The following KMT2C variants were observed in gnomAD, a reference collection of about 807,000 sequenced individuals.
KMT2C encodes lysine methyltransferase 2C, also known as histone-lysine N-methyltransferase 2C.
KMT2C carries 88 observed loss-of-function variants against 507.9 expected under a neutral mutation model. That is an observed-to-expected ratio of 0.17 (90% CI 0.15 to 0.21). The LOEUF is 0.21. KMT2C is among the 10% of genes least tolerant of loss of function. The probability of loss-of-function intolerance (pLI) is 1.00; values close to 1 mark genes in which losing one functional copy is unlikely to be tolerated. For synonymous variants in KMT2C, 2,049 were observed against 2,080.8 expected, an observed-to-expected ratio of 0.98 and a Z score of 0.42; for missense variants, 4,954 against 5,957.8, an observed-to-expected ratio of 0.83 and a Z score of 5.55.
At chr7:152,153,373 A>C (rs2091803439) in intron 48 of KMT2C, among the ~76,000 whole-genome samples, 1 of 152,174 alleles carries the variant, frequency 6.6e-6, no homozygotes, top group South Asian at 2.1e-4. Context: ...ACATCATTGG[A>C]CTTCTAGTTT....
chr7:152,422,944 G>C (rs941992098), intron 1 of KMT2C, among the ~76,000 whole-genome samples: 1 of 151,260 alleles, frequency 6.6e-6, no homozygotes, highest in Non-Finnish European at 1.5e-5. Flanking sequence ...ATGAACCCGG[G>C]AGGCGGAGCT....
Position 152,435,735 on chromosome 7 carries a change from G to A in KMT2C, c.52C>T (p.Pro18Ser), listed in dbSNP as rs1323931123. 29 of 1,528,596 alleles carry A rather than the reference G, an allele frequency of 1.9e-5. No individual in the cohort carries two copies. Among genetic ancestry groups the A allele is most frequent in the Non-Finnish European group, 2.1e-5 (24 of 1,137,328 alleles). The allele number at this position is 1,528,596 out of a possible 1,614,324, so 94.7% of individuals were successfully genotyped here. A position where few individuals can be genotyped will look rare whatever the true frequency, so the allele number is the denominator to read the frequency against. Residue 18 changes from proline (P) to serine (S), a missense_variant, in exon 1 of 59, where the codon CCC becomes TCC. Physicochemically the swap from Pro to Ser is moderately conservative, Grantham distance 74. Coordinates refer to ENST00000262189, the MANE Select transcript of KMT2C (RefSeq NM_170606.3). ...GCCGGGGCTCCAGGCTCCTCGGGGG[G>A]TGGTGGCGGCGGCTGCGGCTGCTCC... is the stretch of plus-strand genomic sequence containing the variant. ...SVEQPQPPPP[P>S]PEEPGAPAPS...
At chr7:152,370,723 T>C (rs1398840033) in intron 1 of KMT2C, among the ~76,000 whole-genome samples, 1 of 152,226 alleles carries the variant, frequency 6.6e-6, no homozygotes, top group Non-Finnish European at 1.5e-5. Flanking sequence ...AATCAATCAA[T>C]GTAATCTACC....
chr7:152,381,928 G>A (rs1204177760), intron 1 of KMT2C, among the ~76,000 whole-genome samples: 3 of 152,012 alleles, frequency 2.0e-5, no homozygotes, highest in Admixed American at 6.6e-5. Context: ...TTACTAACTG[G>A]TTTTTCTGAA....
Position 152,250,635 on chromosome 7 carries a change from T to C in KMT2C, c.1735+218A>G, listed in dbSNP as rs539764318. Among the ~76,000 whole-genome samples, 169 of 152,326 alleles carry C rather than the reference T, an allele frequency of 1.1e-3. 1 individual carries two copies. The highest frequency in any genetic ancestry group is 3.8e-3 in the African/African-American group (159 of 41,576). On this transcript the variant is annotated intron_variant, in intron 12 of 58. Transcript: ENST00000262189. ...TTTTAATAGAAAATCACTTGGTCCC[T>C]TAACCAAGTAAGTACTTATGATTAA...
intron 6 of KMT2C, among the ~76,000 whole-genome samples, chr7:152,285,388 T>C (rs1359656779): frequency 2.6e-5 from 4 of 152,304 alleles, no homozygotes; most frequent in Admixed American, 2.6e-4. Context: ...ACTATGATGG[T>C]AATTACATGA....
rs1589627023 is a variant in KMT2C at position 152,384,570 on chromosome 7, C to CACCACT, written c.162-25896_162-25895insAGTGGT. ...ATAACACCACCACCACCACCACCAC[C>CACCACT]ACCACCACCACCACCACCACCACCA... On this transcript the variant is annotated intron_variant, in intron 1 of 58. Transcript: ENST00000262189. 8.6e-4 allele frequency among the ~76,000 whole-genome samples: 28 copies of CACCACT among 32,506 alleles called. No individual in the cohort carries two copies. In the East Asian group the frequency reaches 0.019, roughly 23 times the overall value. 21.3% of individuals were successfully genotyped at this position (32,506 alleles called of 152,430 possible).
chr7:152,191,950 A>T (rs189814499), intron 31 of KMT2C, among the ~76,000 whole-genome samples: 1 of 152,290 alleles, frequency 6.6e-6, no homozygotes, highest in African/African-American at 2.4e-5. Flanking sequence ...TTAGTTGTAT[A>T]CCTGAAAGTC....
chr7:152,284,943 ACT>A (rs1441575737), intron 6 of KMT2C, among the ~76,000 whole-genome samples: 4 of 152,230 alleles, frequency 2.6e-5, no homozygotes, highest in African/African-American at 9.6e-5. Context: ...AGCAAATGGA[ACT>A]CTCAGATCTC....
intron 5 of KMT2C, among the ~76,000 whole-genome samples, chr7:152,311,417 T>C (rs569410490): frequency 1.3e-5 from 2 of 152,292 alleles, no homozygotes; most frequent in South Asian, 4.1e-4. Context: ...AATAAGATAA[T>C]CTACCCGGCT....
At chr7:152,265,395 G>A (rs944983750) in intron 7 of KMT2C, among the ~76,000 whole-genome samples, 186 bp from the exon 8 acceptor site, 3 of 152,158 alleles carry the variant, frequency 2.0e-5, no homozygotes, top group African/African-American at 7.2e-5. Context: ...TAATCTAAAT[G>A]TAACCACATT....
intron 20 of KMT2C, among the ~76,000 whole-genome samples, chr7:152,223,064 G>T (rs7795161): frequency 0.044 from 6,737 of 152,250 alleles, 238 homozygotes; most frequent in South Asian, 0.089. Flanking sequence ...ACTTGAAGTA[G>T]ACATATCTCA....
chr7:152,379,299 G>A (rs936386947), intron 1 of KMT2C, among the ~76,000 whole-genome samples: 4 of 151,728 alleles, frequency 2.6e-5, no homozygotes, highest in Admixed American at 6.6e-5. Flanking sequence ...CCAGCACTTC[G>A]GGAGTCCAAG....
rs117782896 is a variant in KMT2C at position 152,150,636 on chromosome 7, A to C, written c.12774+264T>G. 2.8e-3 allele frequency among the ~76,000 whole-genome samples: 419 copies of C among 152,230 alleles called. 14 individuals are homozygous for C. The East Asian group carries it at 0.057, about 21-fold the overall frequency. ...TCTCAAAAAAAAATTAAACTGGTAA[A>C]ATTAAAGATTTTAATATTAGTGTTC... On this transcript the variant is annotated intron_variant, in intron 51 of 58. Coordinates refer to ENST00000262189, the MANE Select transcript of KMT2C (RefSeq NM_170606.3).
At chr7:152,309,223 T>C (rs1052486106) in intron 6 of KMT2C, among the ~76,000 whole-genome samples, 17 of 152,128 alleles carry the variant, frequency 1.1e-4, no homozygotes, top group African/African-American at 4.1e-4. Flanking sequence ...TTTCTAAAAT[T>C]TTAATTTCTA....
intron 4 of KMT2C, among the ~76,000 whole-genome samples, chr7:152,313,621 G>GT (rs2096694925): frequency 6.6e-6 from 1 of 152,008 alleles, no homozygotes; most frequent in South Asian, 2.1e-4. Flanking sequence ...TTGTAAAATT[G>GT]TTTTTTAAAT....
At chr7:152,191,604 G>A (rs2093796032) in intron 31 of KMT2C, among the ~76,000 whole-genome samples, 1 of 152,126 alleles carries the variant, frequency 6.6e-6, no homozygotes, top group South Asian at 2.1e-4. Context: ...AGCTACCTTA[G>A]CAAAACACAT....
chr7:152,403,709 GACACATACACACACACACACAC>G (rs2097586184), intron 1 of KMT2C, among the ~76,000 whole-genome samples: 223 of 147,634 alleles, frequency 1.5e-3, no homozygotes, highest in Non-Finnish European at 1.7e-3. Flanking sequence ...GAAAAACTGG[GACACATACACACACACACACAC>G]ACACACACAC....
intron 57 of KMT2C, 123 bp from the exon 58 acceptor site, chr7:152,139,027 C>T: frequency 1.0e-6 from 1 of 990,978 alleles, no homozygotes; most frequent in Admixed American, 2.0e-5. Flanking sequence ...GTTAGAAGCA[C>T]AAATATAACA....
Sources: gnomAD v4.1 joint callset for allele counts (sites outside exome capture counted in the v4.1 genomes callset) on GRCh38, gnomAD v4.1.1 for gene constraint, MANE v1.5 for transcripts, NCBI Gene and HGNC (gene_info 2026-07-23, HGNC 2026-07-21) for gene names.